The following XXYLT1 variants were observed in gnomAD, a reference collection of about 807,000 sequenced individuals.
XXYLT1 encodes UDP-xylose:alpha-xyloside alpha-1,3-xylosyltransferase.
A neutral mutation model predicts 28.9 loss-of-function variants in XXYLT1; 20 were observed. The observed-to-expected ratio is 0.69, with a 90% CI of 0.49 to 1.00. XXYLT1 has a LOEUF of 1.00. Ranked by LOEUF, XXYLT1 falls within the 50% of genes least tolerant of loss-of-function variation. XXYLT1 has a pLI of 0.00. For missense variants in XXYLT1, 542 were observed against 560.1 expected, an observed-to-expected ratio of 0.97 and a Z score of 0.33; for synonymous variants, 257 against 253.8, an observed-to-expected ratio of 1.01 and a Z score of -0.12.
intron 2 of XXYLT1, among the ~76,000 whole-genome samples, chr3:195,220,160 G>A (rs1466276613): frequency 6.6e-6 from 1 of 152,118 alleles, no homozygotes; most frequent in African/African-American, 2.4e-5. Context: ...TTGAGACAGA[G>A]TCTCACTCTA....
chr3:195,187,253 AG>A (rs67958162), intron 2 of XXYLT1, among the ~76,000 whole-genome samples: 19,027 of 148,756 alleles, frequency 0.13, 2,611 homozygotes, highest in African/African-American at 0.34. Context: ...AAAAAAAAAA[AG>A]ATAGAGACGG....
At position 195,165,482 on chromosome 3, in the gene XXYLT1, C is replaced by T. The variant is rs914066723; in HGVS notation, c.653-8901G>A. On this transcript the variant is annotated intron_variant, in intron 2 of 3. Coordinates refer to ENST00000310380, the MANE Select transcript of XXYLT1 (RefSeq NM_152531.5). ...TGGAGGGGTGTGGAAAGAATGGCCC[C>T]ACATCATCCCTTGTGCTAGAAGAAA... 2.0e-5 allele frequency among the ~76,000 whole-genome samples: 3 copies of T among 152,286 alleles called. No individual in the cohort carries two copies. The South Asian group carries it at 6.2e-4, about 32-fold the overall frequency.
chr3:195,110,448 AAAGT>A (rs1219724148), intron 3 of XXYLT1, among the ~76,000 whole-genome samples: 1 of 77,984 alleles, frequency 1.3e-5, no homozygotes, highest in Non-Finnish European at 2.4e-5. Flanking sequence ...TATGTGGTGT[AAAGT>A]GTGTGTGGTG....
chr3:195,268,124 A>G (rs1725898502), intron 1 of XXYLT1, among the ~76,000 whole-genome samples: 1 of 151,890 alleles, frequency 6.6e-6, no homozygotes, highest in Admixed American at 6.6e-5. Context: ...TCTTATCAAA[A>G]ACAAAACAAA....
rs1406155255 is a variant in XXYLT1, at chr3:195,176,743, A to T, written c.653-20162T>A. 2.0e-5 allele frequency among the ~76,000 whole-genome samples: 3 copies of T among 152,206 alleles called. No individual in the cohort carries two copies. Among genetic ancestry groups the T allele is most frequent in the Non-Finnish European group, 2.9e-5 (2 of 68,038 alleles). On this transcript the variant is annotated intron_variant, in intron 2 of 3. Transcript: ENST00000310380. This position sits in a 1 kb window ranked among gnomAD's most constrained non-coding sequence, Gnocchi z 4.9. The stretch of plus-strand genomic sequence containing the variant: ...AGGACTCTAAACATGCAAAAGGCAG[A>T]TGTTTGGGGTTGGAATTGACAATAT...
rs1014878282 is a variant in XXYLT1, at chr3:195,088,096, C to G, written c.786-17985G>C. Among the ~76,000 whole-genome samples the G allele has an allele frequency of 6.9e-4, 105 of 151,852 alleles. 1 individual carries two copies. In the Middle Eastern group the frequency reaches 0.01, roughly 15 times the overall value. On this transcript the variant is annotated intron_variant, in intron 3 of 3. Transcript: ENST00000310380. ...CTGAGATCAAACTGCAAGGTGGCAG[C>G]GAGGCTGGGGGAGGGGCGCCCGCCA...
intron 3 of XXYLT1, among the ~76,000 whole-genome samples, chr3:195,085,636 G>A (rs1715681565): frequency 6.6e-6 from 1 of 152,268 alleles, no homozygotes; most frequent in East Asian, 1.9e-4. Context: ...GGGCAGCCGC[G>A]AGCCACAACC....
intron 1 of XXYLT1, among the ~76,000 whole-genome samples, chr3:195,269,748 C>A (rs1241235549): frequency 6.6e-6 from 1 of 152,202 alleles, no homozygotes; most frequent in Non-Finnish European, 1.5e-5. Context: ...GGCCTCGGAT[C>A]CCCTCTGTAC....
At chr3:195,183,620 AGG>A (rs1160861460) in intron 2 of XXYLT1, 1 of 152,228 alleles carries the variant, frequency 6.6e-6, no homozygotes, top group African/African-American at 2.4e-5. Context: ...CAGTGCCAGA[AGG>A]TCTGGTTCTA....
At chr3:195,106,781 A>G (rs766031856) in intron 3 of XXYLT1, among the ~76,000 whole-genome samples, 1 of 152,218 alleles carries the variant, frequency 6.6e-6, no homozygotes, top group African/African-American at 2.4e-5. Context: ...TGTCTGCCTC[A>G]GGACCATCAA....
At chr3:195,194,285 C>T (rs184073054) in intron 2 of XXYLT1, among the ~76,000 whole-genome samples, 1 of 151,532 alleles carries the variant, frequency 6.6e-6, no homozygotes. Flanking sequence ...TCAGATATTT[C>T]ACCAAAGATA....
At chr3:195,145,636 G>A (rs1449196943) in intron 3 of XXYLT1, among the ~76,000 whole-genome samples, 2 of 144,124 alleles carry the variant, frequency 1.4e-5, no homozygotes, top group Non-Finnish European at 2.9e-5. Context: ...CTCACTCCAC[G>A]GTGACCGGCA....
At chr3:195,213,886 G>C (rs1024646321) in intron 2 of XXYLT1, among the ~76,000 whole-genome samples, 2 of 152,200 alleles carry the variant, frequency 1.3e-5, no homozygotes, top group Non-Finnish European at 1.5e-5. Flanking sequence ...GCTGCTCAGA[G>C]AAGGCAGGTT....
intron 3 of XXYLT1, among the ~76,000 whole-genome samples, chr3:195,134,324 A>G (rs1358451512): frequency 6.6e-6 from 1 of 152,218 alleles, no homozygotes; most frequent in Non-Finnish European, 1.5e-5. Flanking sequence ...CCACTGACGC[A>G]CCCGGAGCAA....
At chr3:195,213,891 C>T (rs558811222) in intron 2 of XXYLT1, among the ~76,000 whole-genome samples, 2 of 152,268 alleles carry the variant, frequency 1.3e-5, no homozygotes, top group African/African-American at 4.8e-5. Flanking sequence ...TCAGAGAAGG[C>T]AGGTTTTCAC....
At chr3:195,134,859 G>A (rs1719095221) in intron 3 of XXYLT1, among the ~76,000 whole-genome samples, 1 of 126,540 alleles carries the variant, frequency 7.9e-6, no homozygotes, top group African/African-American at 3.2e-5. Context: ...GTGTGTGTGT[G>A]TGTGTGTGTG....
At chr3:195,177,266 AC>A (rs1721714130) in intron 2 of XXYLT1, among the ~76,000 whole-genome samples, 1 of 152,216 alleles carries the variant, frequency 6.6e-6, no homozygotes, top group Admixed American at 6.5e-5. Flanking sequence ...AGTGAGGCCC[AC>A]AGAGGTATGG....
At position 195,116,951 on chromosome 3, in the gene XXYLT1, G is replaced by T. The variant is rs528966184; in HGVS notation, c.785+39498C>A. On this transcript the variant is annotated intron_variant, in intron 3 of 3. Transcript: ENST00000310380. ...AGAAATGAAACAAAGTAACAATGAAGTGTTACTGCCCACCCATCAGCCCAG... is the reference window on the plus strand; with the variant it reads ...AGAAATGAAACAAAGTAACAATGAATTGTTACTGCCCACCCATCAGCCCAG... 2.6e-5 allele frequency among the ~76,000 whole-genome samples: 4 copies of T among 152,150 alleles called. No individual in the cohort carries two copies. The South Asian group carries it at 8.3e-4, about 32-fold the overall frequency.
At chr3:195,081,902 G>A (rs77178055) in intron 3 of XXYLT1, among the ~76,000 whole-genome samples, 1 of 152,116 alleles carries the variant, frequency 6.6e-6, no homozygotes, top group East Asian at 1.9e-4. Context: ...CTGGGCGCTC[G>A]GTTCCTAAAC....
Sources: allele counts gnomAD v4.1 joint callset (sites outside exome capture counted in the v4.1 genomes callset), GRCh38; gene constraint gnomAD v4.1.1; non-coding constraint Gnocchi (gnomAD v3.1); transcripts MANE v1.5; gene names NCBI Gene and HGNC (gene_info 2026-07-23, HGNC 2026-07-21).